Variants in MCTP1 observed in about 807,000 individuals in gnomAD.
MCTP1 encodes multiple C2 and transmembrane domain-containing protein 1.
MCTP1 carries 69 observed loss-of-function variants against 120.6 expected under a neutral mutation model. The observed-to-expected ratio is 0.57, with a 90% CI of 0.47 to 0.70. The LOEUF (loss-of-function observed/expected upper bound fraction) is 0.70, where lower values mean the gene tolerates loss of function less well. Ranked by LOEUF, MCTP1 falls within the 30% of genes least tolerant of loss-of-function variation. MCTP1 has a pLI of 0.00. For synonymous variants in MCTP1, 529 were observed against 493.1 expected (o/e 1.07, Z -0.96); for missense variants, 1,203 against 1,248.8 (o/e 0.96, Z 0.55).
intron 1 of MCTP1, among the ~76,000 whole-genome samples, chr5:95,079,240 T>C (rs1008613098): frequency 1.3e-5 from 2 of 152,160 alleles, no homozygotes. Context: ...TTCATCTACC[T>C]TAATGTTCAC....
intron 19 of MCTP1, 35 bp from the exon 20 acceptor site, chr5:94,714,921 A>G: frequency 8.3e-7 from 1 of 1,208,944 alleles, no homozygotes; most frequent in Non-Finnish European, 1.2e-6. Context: ...CTGTATGAGT[A>G]AAGGTATTCT....
chr5:95,198,001 G>A (rs1013894377), intron 1 of MCTP1, among the ~76,000 whole-genome samples: 1 of 152,092 alleles, frequency 6.6e-6, no homozygotes, highest in Non-Finnish European at 1.5e-5. Context: ...AGAAAAAAAT[G>A]TCTGTACGTG....
At chr5:94,734,200 C>T (rs1350452631) in intron 19 of MCTP1, among the ~76,000 whole-genome samples, 5 of 152,274 alleles carry the variant, frequency 3.3e-5, no homozygotes, top group Middle Eastern at 6.8e-3. Flanking sequence ...GCTGATCAAA[C>T]GCAAACACTC....
chr5:94,780,753 C>A, intron 18 of MCTP1, among the ~76,000 whole-genome samples: 1 of 152,160 alleles, frequency 6.6e-6, no homozygotes, highest in African/African-American at 2.4e-5. Context: ...GTCCAAGGCA[C>A]ATAGTGCTAG....
At chr5:95,179,077 A>C (rs1314445793) in intron 1 of MCTP1, among the ~76,000 whole-genome samples, 4 of 152,236 alleles carry the variant, frequency 2.6e-5, no homozygotes, top group Non-Finnish European at 5.9e-5. Context: ...AGAAGAAAGA[A>C]CTTCAGAGCT....
chr5:94,705,854 G>A lies in MCTP1; in HGVS notation c.*1642C>T, dbSNP rs1754434121. The A allele has an allele frequency of 6.6e-6, 1 of 151,616 alleles. No homozygotes were observed. The highest frequency in any genetic ancestry group is 2.4e-5 in the African/African-American group (1 of 41,362). 9.4% of individuals were successfully genotyped at this position (151,616 alleles called of 1,614,324 possible). ...TTTTAGCAACAAACAGTGATGGTAT[G>A]CAGACAGAAGCATGTCATTTTAAAC... On this transcript the variant is annotated 3_prime_UTR_variant, in exon 23 of 23. Coordinates refer to ENST00000515393, the MANE Select transcript of MCTP1 (RefSeq NM_024717.7).
chr5:94,770,186 A>C (rs1773735658), intron 19 of MCTP1, among the ~76,000 whole-genome samples: 1 of 152,192 alleles, frequency 6.6e-6, no homozygotes, highest in African/African-American at 2.4e-5. Context: ...TTGGTGAAGA[A>C]ACATGCTTCT....
intron 1 of MCTP1, among the ~76,000 whole-genome samples, chr5:95,255,244 G>C (rs1049409167): frequency 6.6e-6 from 1 of 152,150 alleles, no homozygotes; most frequent in Non-Finnish European, 1.5e-5. Flanking sequence ...AAGCAACCCT[G>C]TCTTACTAAT....
At chr5:95,201,085 G>A (rs1750956480) in intron 1 of MCTP1, among the ~76,000 whole-genome samples, 1 of 152,310 alleles carries the variant, frequency 6.6e-6, no homozygotes, top group Middle Eastern at 3.4e-3. Flanking sequence ...GGAATCTCCT[G>A]CACTGGGACT....
At chr5:94,899,538 G>A (rs888909730) in intron 10 of MCTP1, among the ~76,000 whole-genome samples, 2 of 152,198 alleles carry the variant, frequency 1.3e-5, no homozygotes, top group African/African-American at 4.8e-5. Flanking sequence ...TCTGCACTTC[G>A]ATAGGAAGCC....
At chr5:94,778,808 C>T (rs919828605) in intron 19 of MCTP1, among the ~76,000 whole-genome samples, 1 of 152,144 alleles carries the variant, frequency 6.6e-6, no homozygotes, top group Non-Finnish European at 1.5e-5. Flanking sequence ...AATTTTTGCC[C>T]TTCAACAACA....
At chr5:95,073,035 G>A (rs1039730164) in intron 1 of MCTP1, among the ~76,000 whole-genome samples, 8 of 152,106 alleles carry the variant, frequency 5.3e-5, no homozygotes, top group Non-Finnish European at 1.2e-4. Context: ...TTTCACTGGA[G>A]ATATGGAGGA....
intron 1 of MCTP1, among the ~76,000 whole-genome samples, chr5:95,240,885 T>C (rs10059467): frequency 0.52 from 78,162 of 151,758 alleles, 20,386 homozygotes; most frequent in Middle Eastern, 0.62. Flanking sequence ...GTATTTCCTT[T>C]TTTGTTGTCT....
In MCTP1 at chr5:95,232,674, G is replaced by T. The variant is rs1755099424; in HGVS notation, c.720+51182C>A. On this transcript the variant is annotated intron_variant, in intron 1 of 22. Transcript: ENST00000515393. ...GGGGTTTCACCATGTTGGCCAGGAT[G>T]GTCTCAAACTCCTGACCTTGTGATC... 3.3e-5 allele frequency among the ~76,000 whole-genome samples: 5 copies of T among 151,742 alleles called. No homozygotes were observed. The South Asian group carries it at 1.0e-3, about 32-fold the overall frequency.
intron 17 of MCTP1, among the ~76,000 whole-genome samples, chr5:94,859,799 T>C (rs1795400133): frequency 6.6e-6 from 1 of 151,714 alleles, no homozygotes; most frequent in South Asian, 2.1e-4. Context: ...AGTATATTAA[T>C]TTGTGGTAAT....
At chr5:95,256,415 C>G (rs1757893876) in intron 1 of MCTP1, among the ~76,000 whole-genome samples, 1 of 152,160 alleles carries the variant, frequency 6.6e-6, no homozygotes, top group Admixed American at 6.5e-5. Context: ...TGTCAGCAAG[C>G]ATCCAACTGG....
chr5:95,093,893 T>C (rs1363910771), intron 1 of MCTP1, among the ~76,000 whole-genome samples: 1 of 152,200 alleles, frequency 6.6e-6, no homozygotes, highest in South Asian at 2.1e-4. Flanking sequence ...AGAATCCAGC[T>C]GCCATACCAC....
At chr5:94,822,674 C>T (rs1285510031) in intron 17 of MCTP1, among the ~76,000 whole-genome samples, 2 of 152,190 alleles carry the variant, frequency 1.3e-5, no homozygotes, top group Non-Finnish European at 2.9e-5. Flanking sequence ...ACACTCCCAA[C>T]AGTGTAAAAG....
In MCTP1 at chr5:94,906,202, G is replaced by C. The variant is rs142228886; in HGVS notation, c.1652+3049C>G. ...TTAGTTCAAGTAAGAATGGAAGTGG[G>C]GGCTGGGCGCAGTGGCTCACACCTG... On this transcript the variant is annotated intron_variant, in intron 10 of 22. Transcript: ENST00000515393. Among the ~76,000 whole-genome samples, 789 of 152,182 alleles carry C rather than the reference G, an allele frequency of 5.2e-3. 6 individuals carry two copies. Among genetic ancestry groups the C allele is most frequent in the Middle Eastern group, 0.031 (9 of 294 alleles).
Sources: gnomAD v4.1 joint callset for allele counts (sites outside exome capture counted in the v4.1 genomes callset) on GRCh38, gnomAD v4.1.1 for gene constraint, MANE v1.5 for transcripts, NCBI Gene and HGNC (gene_info 2026-07-23, HGNC 2026-07-21) for gene names.